ITSN2: variants seen among roughly 807,000 people sequenced by gnomAD.
The protein encoded by ITSN2 is intersectin 2, also known as intersectin-2.
A neutral mutation model predicts 243.7 loss-of-function variants in ITSN2; 156 were observed. The ratio of observed to expected loss-of-function variants is 0.64; its 90% confidence interval spans 0.56 to 0.73. ITSN2 has a LOEUF of 0.73. Among genes scored for constraint, ITSN2 ranks in the 30% least tolerant of loss-of-function variants. ITSN2 has a pLI of 0.00. For missense variants in ITSN2, 1,801 were observed against 1,996.1 expected, an observed-to-expected ratio of 0.90 and a Z score of 1.86; for synonymous variants, 703 against 699.9, an observed-to-expected ratio of 1.00 and a Z score of -0.07.
rs377698113 is a variant in ITSN2 at position 24,249,817 on chromosome 2, T to C, written c.3121-935A>G. Among the ~76,000 whole-genome samples the C allele has an allele frequency of 7.2e-5, 11 of 152,232 alleles. No individual in the cohort carries two copies. The highest frequency in any genetic ancestry group is 2.7e-4 in the African/African-American group (11 of 41,466). The stretch of plus-strand genomic sequence containing the variant: ...CCAATGGCTCTCAGCATGTGGTTTG[T>C]AGAACCTGGAAATAGTCCTTGAGCC... On this transcript the variant is annotated intron_variant, in intron 25 of 39. Coordinates refer to ENST00000355123, the MANE Select transcript of ITSN2 (RefSeq NM_006277.3). This position sits in a 1 kb window ranked among gnomAD's most constrained non-coding sequence, Gnocchi z 4.4.
At chr2:24,289,093 C>G (rs912157261) in intron 15 of ITSN2, among the ~76,000 whole-genome samples, 6 of 152,130 alleles carry the variant, frequency 3.9e-5, no homozygotes, top group Admixed American at 1.3e-4. Flanking sequence ...ATTGCTTTGG[C>G]TATTTGAAGT....
chr2:24,302,166 A>C, intron 9 of ITSN2, 64 bp from the exon 10 acceptor site: 3 of 1,032,254 alleles, frequency 2.9e-6, no homozygotes, highest in Non-Finnish European at 4.1e-6. Flanking sequence ...TTGCCTTAAA[A>C]GTTCAATTTT....
Position 24,204,065 on chromosome 2 carries a change from C to T in ITSN2, c.4936+180G>A, listed in dbSNP as rs1668588324. On this transcript the variant is annotated intron_variant, in intron 39 of 39. Transcript: ENST00000355123. This position sits in a 1 kb window ranked among gnomAD's most constrained non-coding sequence, Gnocchi z 5.1. ...GATGGGTCAAAGACCTGAAACACAT[C>T]TCAGGCCACCTCCTCCCCTGAGGAA... is the stretch of plus-strand genomic sequence containing the variant. The T allele has an allele frequency of 7.6e-6, 5 of 657,094 alleles. No homozygotes were observed. The highest frequency in any genetic ancestry group is 1.3e-5 in the Non-Finnish European group (5 of 384,538). The allele number at this position is 657,094 out of a possible 1,614,324, so 40.7% of individuals were successfully genotyped here.
At chr2:24,247,053 C>G (rs1360283805) in intron 27 of ITSN2, among the ~76,000 whole-genome samples, 160 bp from the exon 28 acceptor site, 5 of 152,342 alleles carry the variant, frequency 3.3e-5, no homozygotes, top group Admixed American at 3.3e-4. Flanking sequence ...AAAGTAATCT[C>G]TAAATCCTTG....
At chr2:24,240,291 T>A (rs536391741) in intron 29 of ITSN2, 1 of 152,282 alleles carries the variant, frequency 6.6e-6, no homozygotes, top group East Asian at 1.9e-4. Flanking sequence ...GGAGAGTCAG[T>A]TGAATTCACA....
At chr2:24,290,592 TTTAAG>T (rs1276819263) in intron 15 of ITSN2, among the ~76,000 whole-genome samples, 10 of 152,338 alleles carry the variant, frequency 6.6e-5, no homozygotes, top group African/African-American at 2.4e-4. Context: ...TATAATAGTT[TTTAAG>T]TTGTTTTTAT....
chr2:24,300,112 G>T lies in ITSN2; in HGVS notation c.1141C>A (p.Arg381=). The change falls in exon 12 of 40, where the codon CGA becomes AGA. Residue 381 remains arginine, a synonymous_variant. Coordinates refer to ENST00000355123, the MANE Select transcript of ITSN2 (RefSeq NM_006277.3). ...TGCTGCTCCATCAAGGCTTGGCGTC[G>T]CTTTTCCAGCTCCATGTTCCCTCGC... The part of the protein sequence containing the change: ...YERGNMELEK[R]RQALMEQQQR... The T allele has an allele frequency of 1.2e-6, 2 of 1,613,992 alleles. No individual in the cohort carries two copies. Among genetic ancestry groups the T allele is most frequent in the South Asian group, 2.2e-5 (2 of 91,066 alleles).
intron 2 of ITSN2, among the ~76,000 whole-genome samples, chr2:24,323,804 C>T (rs1301249010): frequency 2.0e-5 from 3 of 152,190 alleles, no homozygotes; most frequent in Non-Finnish European, 4.4e-5. Flanking sequence ...CTTATTCAAC[C>T]CAATCCCAGG....
intron 2 of ITSN2, among the ~76,000 whole-genome samples, chr2:24,316,244 A>G (rs1235726201): frequency 6.6e-6 from 1 of 152,158 alleles, no homozygotes; most frequent in African/African-American, 2.4e-5. Context: ...CCTGGAAGTT[A>G]TAGAGAGCCA....
intron 29 of ITSN2, among the ~76,000 whole-genome samples, chr2:24,243,492 T>C (rs1377866183): frequency 2.0e-5 from 3 of 152,080 alleles, no homozygotes; most frequent in Non-Finnish European, 4.4e-5. Flanking sequence ...AATCTTTCAA[T>C]ATTTCCTTGT....
intron 1 of ITSN2, 79 bp from the exon 2 acceptor site, chr2:24,328,194 A>G (rs946447480): frequency 2.1e-6 from 2 of 968,310 alleles, no homozygotes; most frequent in African/African-American, 1.6e-5. Context: ...AGCAGTAGGA[A>G]TGTCTGTCCC....
At chr2:24,338,791 G>C (rs763822037) in intron 1 of ITSN2, among the ~76,000 whole-genome samples, 19 of 151,890 alleles carry the variant, frequency 1.3e-4, no homozygotes, top group Admixed American at 2.0e-4. Flanking sequence ...AGAAGTTCAA[G>C]ACCAGCCCAG....
Position 24,249,984 on chromosome 2 carries a change from A to G in ITSN2, c.3121-1102T>C, listed in dbSNP as rs1419250203. On this transcript the variant is annotated intron_variant, in intron 25 of 39. Transcript: ENST00000355123. The surrounding 1 kb of genome is among the most constrained non-coding windows in gnomAD (Gnocchi z 4.4). ...AATCATGGCAGTGGCACCAAATGAC[A>G]CTGAAGTATGGTAGTGTTCTTCACC... Among the ~76,000 whole-genome samples, 1 of 152,224 alleles carries G rather than the reference A, an allele frequency of 6.6e-6. No homozygotes were observed. Among genetic ancestry groups the G allele is most frequent in the Non-Finnish European group, 1.5e-5 (1 of 68,032 alleles).
chr2:24,334,438 GT>G, intron 1 of ITSN2: 1 of 527,740 alleles, frequency 1.9e-6, no homozygotes, highest in Non-Finnish European at 3.6e-6. Flanking sequence ...CAAGGTTAAA[GT>G]TTTTGTTTGT....
At chr2:24,223,932 G>A (rs879785022) in intron 29 of ITSN2, among the ~76,000 whole-genome samples, 5 of 152,190 alleles carry the variant, frequency 3.3e-5, no homozygotes, top group Non-Finnish European at 7.3e-5. Flanking sequence ...CCACTGTCAT[G>A]TTCAAAATTG....
At chr2:24,304,754 G>A (rs1439152621) in intron 8 of ITSN2, among the ~76,000 whole-genome samples, 5 of 152,120 alleles carry the variant, frequency 3.3e-5, no homozygotes, top group Non-Finnish European at 7.3e-5. Flanking sequence ...TCAGGCAATA[G>A]AGCAAACAGA....
rs1484211173 is a variant in ITSN2, at chr2:24,225,345, C to T, written c.3578-4279G>A. Among the ~76,000 whole-genome samples, 1 of 152,200 alleles carries T rather than the reference C, an allele frequency of 6.6e-6. No homozygotes were observed. Among genetic ancestry groups the T allele is most frequent in the Non-Finnish European group, 1.5e-5 (1 of 68,030 alleles). ...TCACTAGAGGGGTTTACACCCATGG[C>T]CAACTCTCGCTAGCTTTCCCTGTCA... is the stretch of plus-strand genomic sequence containing the variant. On this transcript the variant is annotated intron_variant, in intron 29 of 39. Transcript: ENST00000355123. This position sits in a 1 kb window ranked among gnomAD's most constrained non-coding sequence, Gnocchi z 4.2.
chr2:24,304,385 T>C (rs1183741838), intron 8 of ITSN2, among the ~76,000 whole-genome samples: 2 of 152,256 alleles, frequency 1.3e-5, no homozygotes, highest in African/African-American at 2.4e-5. Context: ...GCTAGATTTA[T>C]TGTCCCACTA....
At position 24,248,762 on chromosome 2, in the gene ITSN2, A is replaced by C; in HGVS notation, c.3167-12T>G. The C allele has an allele frequency of 6.2e-7, 1 of 1,613,054 alleles. No individual in the cohort carries two copies. Among genetic ancestry groups the C allele is most frequent in the Non-Finnish European group, 8.5e-7 (1 of 1,179,642 alleles). On this transcript the variant is annotated splice_polypyrimidine_tract_variant and intron_variant, in intron 26 of 39. Coordinates refer to ENST00000355123, the MANE Select transcript of ITSN2 (RefSeq NM_006277.3). ...TACCTGAGCAATCTCTGAAAAGACA[A>C]AGAAGAAACTATGAATTCAAGATTG...
Sources: gnomAD v4.1 joint callset for allele counts (sites outside exome capture counted in the v4.1 genomes callset) on GRCh38, gnomAD v4.1.1 for gene constraint, Gnocchi (gnomAD v3.1) non-coding constraint, MANE v1.5 for transcripts, NCBI Gene and HGNC (gene_info 2026-07-23, HGNC 2026-07-21) for gene names.